The following CDH13 variants were observed in gnomAD, a reference collection of about 807,000 sequenced individuals.
CDH13 encodes cadherin-13.
CDH13 carries 24 observed loss-of-function variants against 63.8 expected under a neutral mutation model. The observed-to-expected ratio is 0.38, with a 90% CI of 0.27 to 0.53. CDH13 has a LOEUF of 0.53. Among genes scored for constraint, CDH13 ranks in the 20% least tolerant of loss-of-function variants. The pLI, the probability that CDH13 is intolerant of heterozygous loss-of-function variation, is 0.85. For synonymous variants in CDH13, 503 were observed against 355.3 expected (o/e 1.42, Z -4.67); for missense variants, 1,049 against 903.1 (o/e 1.16, Z -2.07).
At chr16:83,183,291 A>G (rs150318357) in intron 4 of CDH13, among the ~76,000 whole-genome samples, 17 of 152,356 alleles carry the variant, frequency 1.1e-4, no homozygotes, top group Non-Finnish European at 2.2e-4. Flanking sequence ...TATTGTCTGA[A>G]GAGCTCTTGT....
intron 1 of CDH13, among the ~76,000 whole-genome samples, chr16:82,802,595 T>C (rs1367904048): frequency 6.6e-6 from 1 of 152,152 alleles, no homozygotes; most frequent in Non-Finnish European, 1.5e-5. Flanking sequence ...AGCCCAGGGT[T>C]CATACTCTGG....
chr16:83,304,156 G>A (rs558644540), intron 5 of CDH13, among the ~76,000 whole-genome samples: 2 of 152,290 alleles, frequency 1.3e-5, no homozygotes, highest in South Asian at 4.1e-4. Context: ...GGAGAGGTAG[G>A]TGAGGGCTGG....
At chr16:82,730,493 T>G (rs143379771) in intron 1 of CDH13, among the ~76,000 whole-genome samples, 28 of 152,354 alleles carry the variant, frequency 1.8e-4, no homozygotes, top group Non-Finnish European at 3.2e-4. Flanking sequence ...TTAGCCTTCT[T>G]GTATGGGCAT....
Position 82,680,753 on chromosome 16 carries a change from A to G in CDH13, c.45+53616A>G, listed in dbSNP as rs147405584. 1.6e-3 allele frequency among the ~76,000 whole-genome samples: 248 copies of G among 152,318 alleles called. 1 individual carries two copies. The highest frequency in any genetic ancestry group is 5.6e-3 in the African/African-American group (231 of 41,574). On this transcript the variant is annotated intron_variant, in intron 1 of 13. Transcript: ENST00000567109. ...AAGGAACTTTCCGTACTTGAGGCCT[A>G]TCAATAGCAGGAAGTTATTACTACC... is the stretch of plus-strand genomic sequence containing the variant.
At chr16:82,785,195 T>G (rs1459499499) in intron 1 of CDH13, among the ~76,000 whole-genome samples, 1 of 151,858 alleles carries the variant, frequency 6.6e-6, no homozygotes, top group Non-Finnish European at 1.5e-5. Context: ...ATTGTTGAAA[T>G]AGGAAGGGGA....
At chr16:83,778,999 A>T (rs1318215432) in intron 11 of CDH13, among the ~76,000 whole-genome samples, 1 of 152,226 alleles carries the variant, frequency 6.6e-6, no homozygotes, top group Non-Finnish European at 1.5e-5. Flanking sequence ...AGTGAGGAAA[A>T]GTCATATTTA....
intron 5 of CDH13, among the ~76,000 whole-genome samples, chr16:83,227,495 A>G (rs1355139066): frequency 1.3e-5 from 2 of 152,166 alleles, no homozygotes; most frequent in Non-Finnish European, 2.9e-5. Context: ...TGATCAGGGA[A>G]TAAAGGCAAA....
intron 3 of CDH13, among the ~76,000 whole-genome samples, chr16:83,032,489 T>C (rs1916456460): frequency 6.6e-6 from 1 of 152,136 alleles, no homozygotes; most frequent in Non-Finnish European, 1.5e-5. Context: ...GCTGTCCAAA[T>C]CAGCTTTAAT....
chr16:83,089,142 C>T (rs541858086), intron 3 of CDH13, among the ~76,000 whole-genome samples: 6 of 152,258 alleles, frequency 3.9e-5, no homozygotes, highest in African/African-American at 1.4e-4. Context: ...TTAAATATTA[C>T]AGCAGACTTT....
At chr16:83,175,274 C>G (rs563231545) in intron 4 of CDH13, among the ~76,000 whole-genome samples, 1 of 152,118 alleles carries the variant, frequency 6.6e-6, no homozygotes, top group African/African-American at 2.4e-5. Context: ...AAAAATGTTT[C>G]TGAAACAGGG....
At chr16:83,135,784 C>G (rs749666820) in intron 4 of CDH13, among the ~76,000 whole-genome samples, 13 of 152,180 alleles carry the variant, frequency 8.5e-5, no homozygotes, top group Non-Finnish European at 1.6e-4. Context: ...GCCCATCAAT[C>G]CACAAGTGGA....
At chr16:83,110,081 G>A (rs540588586) in intron 3 of CDH13, among the ~76,000 whole-genome samples, 3 of 152,138 alleles carry the variant, frequency 2.0e-5, no homozygotes, top group Non-Finnish European at 4.4e-5. Flanking sequence ...AGAATATGTG[G>A]GGTTATTTTC....
intron 10 of CDH13, among the ~76,000 whole-genome samples, chr16:83,725,253 G>T (rs1910245367): frequency 6.6e-6 from 1 of 152,188 alleles, no homozygotes; most frequent in Non-Finnish European, 1.5e-5. Context: ...AGGCATGGTG[G>T]CCAAGAGAGC....
Position 82,842,105 on chromosome 16 carries a change from T to C in CDH13, c.46-16257T>C, listed in dbSNP as rs1481748168. ...CTTGCATTCTACATATATATATATA[T>C]ATATATGTATATATATATATATATA... On this transcript the variant is annotated intron_variant, in intron 1 of 13. Transcript: ENST00000567109. Among the ~76,000 whole-genome samples, 6 of 34,500 alleles carry C rather than the reference T, an allele frequency of 1.7e-4. No homozygotes were observed. The East Asian group carries it at 0.011, about 64-fold the overall frequency. 22.6% of individuals were successfully genotyped at this position (34,500 alleles called of 152,430 possible).
chr16:82,866,552 C>T (rs1250189704), intron 2 of CDH13, among the ~76,000 whole-genome samples: 1 of 151,768 alleles, frequency 6.6e-6, no homozygotes, highest in Non-Finnish European at 1.5e-5. Context: ...CCATGCCTGG[C>T]TAATTTTTTG....
intron 2 of CDH13, 72 bp downstream of exon 2, chr16:82,858,545 C>A: frequency 1.0e-6 from 1 of 953,050 alleles, no homozygotes; most frequent in Non-Finnish European, 1.7e-6. Flanking sequence ...ATGACTGTGT[C>A]TCAGGATGTG....
rs1188986277 is a variant in CDH13 at position 83,273,348 on chromosome 16, C to G, written c.636+55851C>G. Among the ~76,000 whole-genome samples the G allele has an allele frequency of 6.6e-5, 10 of 152,080 alleles. No homozygotes were observed. In the South Asian group the frequency reaches 8.3e-4, roughly 13 times the overall value. ...TCTCCCACCCCCAACCCTTCACCCT[C>G]AAGTAGGCCCTGGGGTCTTTTGTTC... On this transcript the variant is annotated intron_variant, in intron 5 of 13. Transcript: ENST00000567109.
At chr16:82,933,099 G>C (rs757679230) in intron 2 of CDH13, among the ~76,000 whole-genome samples, 1 of 152,080 alleles carries the variant, frequency 6.6e-6, no homozygotes, top group African/African-American at 2.4e-5. Context: ...TTCAGGGTTG[G>C]GGGAGTGATA....
At chr16:83,119,537 C>T (rs147930802) in intron 3 of CDH13, among the ~76,000 whole-genome samples, 1 of 152,196 alleles carries the variant, frequency 6.6e-6, no homozygotes, top group Non-Finnish European at 1.5e-5. Context: ...TTACGCTGAT[C>T]TTCAGTTCTT....
Sources: gnomAD v4.1 joint callset for allele counts (sites outside exome capture counted in the v4.1 genomes callset) on GRCh38, gnomAD v4.1.1 for gene constraint, MANE v1.5 for transcripts, NCBI Gene and HGNC (gene_info 2026-07-23, HGNC 2026-07-21) for gene names.